C7orf78: variants seen among roughly 807,000 people sequenced by gnomAD.
The protein encoded by C7orf78 is putative uncharacterized protein C7orf78.
chr7:12,513,511 G>A, the C7orf78 span, among the ~76,000 whole-genome samples: 1 of 152,016 alleles, frequency 6.6e-6, no homozygotes, highest in Non-Finnish European at 1.5e-5. Flanking sequence ...TGACTCATTT[G>A]TTGTTCAGTA....
At chr7:12,502,305 A>G in the C7orf78 span, among the ~76,000 whole-genome samples, 1 of 133,712 alleles carries the variant, frequency 7.5e-6, no homozygotes, top group East Asian at 2.3e-4. Context: ...AACCTACAAA[A>G]TGGGAGAAAA....
chr7:12,506,772 C>T, the C7orf78 span: 1 of 335,722 alleles, frequency 3.0e-6, no homozygotes, highest in Admixed American at 4.1e-5. Context: ...CACATGTACC[C>T]TAGAACTTAA....
At chr7:12,540,184 T>G in the C7orf78 span, among the ~76,000 whole-genome samples, 2 of 152,182 alleles carry the variant, frequency 1.3e-5, no homozygotes, top group Non-Finnish European at 1.5e-5. Flanking sequence ...TTTGAGGCTT[T>G]TCCTCCATTT....
the C7orf78 span, among the ~76,000 whole-genome samples, chr7:12,537,389 C>T: frequency 6.6e-6 from 1 of 152,340 alleles, no homozygotes; most frequent in African/African-American, 2.4e-5. Context: ...TCACCTCCCA[C>T]TGGGATTCTC....
chr7:12,512,596 T>A, the C7orf78 span, among the ~76,000 whole-genome samples: 1 of 152,216 alleles, frequency 6.6e-6, no homozygotes, highest in Non-Finnish European at 1.5e-5. Context: ...TGCTAGCATT[T>A]TGTTGCAGAT....
At chr7:12,540,536 C>T in the C7orf78 span, among the ~76,000 whole-genome samples, 1 of 152,154 alleles carries the variant, frequency 6.6e-6, no homozygotes, top group Non-Finnish European at 1.5e-5. Flanking sequence ...ATTTTATAAG[C>T]TGGGAAACTA....
the C7orf78 span, among the ~76,000 whole-genome samples, chr7:12,520,332 C>T: frequency 7.2e-5 from 11 of 152,332 alleles, no homozygotes; most frequent in Middle Eastern, 3.4e-3. Context: ...GAAGCTGTCT[C>T]TACATTCAAG....
chr7:12,486,690 A>C, the C7orf78 span, among the ~76,000 whole-genome samples: 1 of 152,060 alleles, frequency 6.6e-6, no homozygotes, highest in Admixed American at 6.6e-5. Flanking sequence ...GGCTCTGGAT[A>C]GAGTCACATC....
chr7:12,518,935 TG>T, the C7orf78 span, among the ~76,000 whole-genome samples: 1 of 151,962 alleles, frequency 6.6e-6, no homozygotes, highest in African/African-American at 2.4e-5. Flanking sequence ...ACTGCAGTGG[TG>T]AGTGTGAGGA....
At chr7:12,497,874 C>A in the C7orf78 span, among the ~76,000 whole-genome samples, 39,067 of 150,698 alleles carry the variant, frequency 0.26, 5,695 homozygotes, top group East Asian at 0.52. Flanking sequence ...TCCCAGCACG[C>A]AGCTGGAGAT....
chr7:12,509,935 G>A, the C7orf78 span, among the ~76,000 whole-genome samples: 1 of 151,460 alleles, frequency 6.6e-6, no homozygotes, highest in Non-Finnish European at 1.5e-5. Flanking sequence ...TTTGGAGGCT[G>A]AGGCATGAGA....
chr7:12,524,267 A>G, the C7orf78 span, among the ~76,000 whole-genome samples: 1 of 152,206 alleles, frequency 6.6e-6, no homozygotes, highest in Non-Finnish European at 1.5e-5. Context: ...CAACGAACGA[A>G]ACAGTATATG....
At chr7:12,528,661 T>A in the C7orf78 span, among the ~76,000 whole-genome samples, 1 of 152,234 alleles carries the variant, frequency 6.6e-6, no homozygotes, top group South Asian at 2.1e-4. Flanking sequence ...GGAGACACTT[T>A]AGAACGATGG....
the C7orf78 span, among the ~76,000 whole-genome samples, chr7:12,526,597 T>C: frequency 1.3e-5 from 2 of 152,196 alleles, no homozygotes; most frequent in African/African-American, 4.8e-5. Context: ...AATAATTTTA[T>C]ACCTGTAAAA....
At chr7:12,490,896 C>A in the C7orf78 span, among the ~76,000 whole-genome samples, 2 of 151,872 alleles carry the variant, frequency 1.3e-5, no homozygotes, top group Admixed American at 1.3e-4. Context: ...CCAGTTTCAT[C>A]TGAAGAGCAC....
the C7orf78 span, among the ~76,000 whole-genome samples, chr7:12,513,856 T>C: frequency 2.1e-4 from 32 of 151,982 alleles, 1 homozygote; most frequent in Admixed American, 9.2e-4. Context: ...AAAAATTAGC[T>C]GGGCGTGGTG....
chr7:12,507,395 A>C, the C7orf78 span: 1 of 177,536 alleles, frequency 5.6e-6, no homozygotes, highest in Admixed American at 5.6e-5. Flanking sequence ...AAGAAAGCAG[A>C]CAGCCATGAG....
At chr7:12,510,136 G>T in the C7orf78 span, among the ~76,000 whole-genome samples, 2 of 150,416 alleles carry the variant, frequency 1.3e-5, no homozygotes, top group Admixed American at 1.3e-4. Flanking sequence ...GTGTTCAATT[G>T]GTGGATACAG....
chr7:12,492,451 G>C, the C7orf78 span, among the ~76,000 whole-genome samples: 9 of 152,148 alleles, frequency 5.9e-5, no homozygotes, highest in African/African-American at 4.8e-5. Context: ...TGTTGAAACT[G>C]TCTGTCATAG....
Sources: allele counts gnomAD v4.1 joint callset (sites outside exome capture counted in the v4.1 genomes callset), GRCh38; gene constraint gnomAD v4.1.1; transcripts MANE v1.5; gene names NCBI Gene and HGNC (gene_info 2026-07-23, HGNC 2026-07-21).